Variants in SLC24A4 observed in about 807,000 individuals in gnomAD.
SLC24A4 encodes sodium/potassium/calcium exchanger 4.
A neutral mutation model predicts 79.0 loss-of-function variants in SLC24A4; 53 were observed. The ratio of observed to expected loss-of-function variants is 0.67; its 90% CI spans 0.54 to 0.84. The LOEUF is 0.84. Ranked by LOEUF, SLC24A4 falls within the 40% of genes least tolerant of loss-of-function variation. SLC24A4 has a pLI of 0.00. For synonymous variants in SLC24A4, 323 were observed against 323.8 expected (o/e 1.00, Z 0.03); for missense variants, 731 against 822.0 (o/e 0.89, Z 1.35).
Position 92,378,630 on chromosome 14 carries a change from A to T in SLC24A4, c.241+52652A>T, listed in dbSNP as rs139970285. Among the ~76,000 whole-genome samples, 481 of 152,350 alleles carry T rather than the reference A, an allele frequency of 3.2e-3. 3 individuals carry two copies. Among genetic ancestry groups the T allele is most frequent in the African/African-American group, 0.011 (465 of 41,582 alleles). On this transcript the variant is annotated intron_variant, in intron 2 of 16. Coordinates refer to ENST00000532405, the MANE Select transcript of SLC24A4 (RefSeq NM_153646.4). The stretch of plus-strand genomic sequence containing the variant: ...AGTCCTTTGTCAGATATGTGGACTG[A>T]CAGTGTCTCCTTATCCACTGTGCAT...
At chr14:92,350,813 A>G (rs1886818255) in intron 2 of SLC24A4, among the ~76,000 whole-genome samples, 1 of 152,168 alleles carries the variant, frequency 6.6e-6, no homozygotes, top group Non-Finnish European at 1.5e-5. Context: ...TGTTCCCCCA[A>G]AATTCATATG....
At chr14:92,474,865 T>TATATATATA in intron 12 of SLC24A4, among the ~76,000 whole-genome samples, 1 of 30,976 alleles carries the variant, frequency 3.2e-5, no homozygotes, top group South Asian at 1.2e-3. Context: ...ATATATATAT[T>TATATATATA]TTTTTTTTTT....
chr14:92,344,255 T>C (rs1462294904), intron 2 of SLC24A4, among the ~76,000 whole-genome samples: 1 of 152,230 alleles, frequency 6.6e-6, no homozygotes, highest in African/African-American at 2.4e-5. Context: ...TGGTGTGTTC[T>C]AGACGGCACT....
intron 2 of SLC24A4, among the ~76,000 whole-genome samples, chr14:92,332,873 T>A (rs1458370065): frequency 6.6e-6 from 1 of 152,208 alleles, no homozygotes; most frequent in Non-Finnish European, 1.5e-5. Context: ...CAAGTAAACA[T>A]CTTGCCACAC....
intron 2 of SLC24A4, among the ~76,000 whole-genome samples, chr14:92,402,296 T>C (rs1890156525): frequency 6.6e-6 from 1 of 152,160 alleles, no homozygotes; most frequent in Non-Finnish European, 1.5e-5. Flanking sequence ...ACTTTCTAAT[T>C]GTGATTGTCC....
At chr14:92,468,907 T>C (rs1894271488) in intron 12 of SLC24A4, among the ~76,000 whole-genome samples, 1 of 92,068 alleles carries the variant, frequency 1.1e-5, no homozygotes, top group Admixed American at 1.2e-4. Context: ...TGTGTGTGTG[T>C]GTGTGTGTGT....
chr14:92,430,322 G>A (rs187476726), intron 2 of SLC24A4, among the ~76,000 whole-genome samples: 1 of 152,344 alleles, frequency 6.6e-6, no homozygotes, highest in African/African-American at 2.4e-5. Flanking sequence ...TTGAGAAGCA[G>A]GAGCAATGTT....
chr14:92,324,592 A>C (rs765108476), intron 1 of SLC24A4, among the ~76,000 whole-genome samples: 1 of 152,244 alleles, frequency 6.6e-6, no homozygotes, highest in Non-Finnish European at 1.5e-5. Flanking sequence ...TAGGCTATGC[A>C]AATTTCAGGT....
chr14:92,335,075 G>A (rs565000422), intron 2 of SLC24A4, among the ~76,000 whole-genome samples: 3 of 152,188 alleles, frequency 2.0e-5, no homozygotes, highest in East Asian at 1.9e-4. Flanking sequence ...CAAGTCACGC[G>A]GCCAACAAAA....
intron 7 of SLC24A4, among the ~76,000 whole-genome samples, chr14:92,444,923 A>T (rs1892703906): frequency 1.4e-5 from 1 of 72,094 alleles, no homozygotes; most frequent in Non-Finnish European, 2.6e-5. Flanking sequence ...CACCCTATAT[A>T]CACACACATA....
intron 2 of SLC24A4, among the ~76,000 whole-genome samples, chr14:92,383,981 A>G (rs1317300338): frequency 2.0e-5 from 3 of 152,238 alleles, no homozygotes; most frequent in Non-Finnish European, 2.9e-5. Context: ...TGTAAGACAG[A>G]ATTAGTCTGG....
intron 2 of SLC24A4, among the ~76,000 whole-genome samples, chr14:92,360,300 A>G (rs943369125): frequency 1.3e-5 from 2 of 152,046 alleles, no homozygotes; most frequent in Non-Finnish European, 2.9e-5. Flanking sequence ...ACAGTGCACC[A>G]TCGTAGCTCA....
chr14:92,369,934 A>G (rs1243395854), intron 2 of SLC24A4, among the ~76,000 whole-genome samples: 1 of 152,242 alleles, frequency 6.6e-6, no homozygotes, highest in African/African-American at 2.4e-5. Context: ...GGAGGAAAAG[A>G]TACTGATGGA....
At chr14:92,322,829 G>C (rs933171129), upstream of SLC24A4, among the ~76,000 whole-genome samples, 3 of 152,120 alleles carry the variant, frequency 2.0e-5, no homozygotes, top group South Asian at 2.1e-4. Context: ...GCCTCGGGTC[G>C]GCTCGGGGGT....
rs1023798002 is a variant in SLC24A4 at position 92,500,007 on chromosome 14, T to A, written c.*6379T>A. 1 of 152,010 alleles carries A rather than the reference T, an allele frequency of 6.6e-6. No homozygotes were observed. Among genetic ancestry groups the A allele is most frequent in the Non-Finnish European group, 1.5e-5 (1 of 68,084 alleles). 9.4% of individuals were successfully genotyped at this position (152,010 alleles called of 1,614,324 possible). On this transcript the variant is annotated 3_prime_UTR_variant, in exon 17 of 17. Coordinates refer to ENST00000532405, the MANE Select transcript of SLC24A4 (RefSeq NM_153646.4). The stretch of plus-strand genomic sequence containing the variant: ...GGCGCCTGCCACCACACCCAGCTAA[T>A]TTTTTGTATTTTTGGTACAGACAGG...
intron 2 of SLC24A4, among the ~76,000 whole-genome samples, chr14:92,407,446 T>C (rs1054957209): frequency 2.4e-4 from 36 of 152,222 alleles, no homozygotes; most frequent in Non-Finnish European, 1.2e-4. Context: ...TTGATGCCAA[T>C]TTTCTGTATT....
chr14:92,395,685 A>G (rs2141749332), intron 2 of SLC24A4, among the ~76,000 whole-genome samples: 1 of 152,306 alleles, frequency 6.6e-6, no homozygotes, highest in Middle Eastern at 3.4e-3. Flanking sequence ...CACTCAGTCA[A>G]GGACAACACT....
intron 12 of SLC24A4, among the ~76,000 whole-genome samples, chr14:92,463,241 G>A (rs1023001030): frequency 7.2e-5 from 11 of 152,156 alleles, no homozygotes; most frequent in African/African-American, 2.2e-4. Context: ...GGGCTCTACC[G>A]GTGGGGAGGA....
At chr14:92,475,028 C>T (rs115177460) in intron 12 of SLC24A4, among the ~76,000 whole-genome samples, 1,945 of 151,048 alleles carry the variant, frequency 0.013, 36 homozygotes, top group African/African-American at 0.044. Flanking sequence ...TATTGATATA[C>T]GGTCCTGGTA....
Sources: allele counts gnomAD v4.1 joint callset (sites outside exome capture counted in the v4.1 genomes callset), GRCh38; gene constraint gnomAD v4.1.1; transcripts MANE v1.5; gene names NCBI Gene and HGNC (gene_info 2026-07-23, HGNC 2026-07-21).